Variants in NOS1AP observed in about 807,000 individuals in gnomAD.
NOS1AP encodes the protein carboxyl-terminal PDZ ligand of neuronal nitric oxide synthase protein.
In NOS1AP, 21 loss-of-function variants were observed where a neutral mutation model predicts 56.2. The observed-to-expected ratio is 0.37, with a 90% CI of 0.26 to 0.54. The LOEUF (loss-of-function observed/expected upper bound fraction) is 0.54, where lower values mean the gene tolerates loss of function less well. NOS1AP is among the 20% of genes least tolerant of loss of function. The pLI, the probability that NOS1AP is intolerant of heterozygous loss-of-function variation, is 0.84. For synonymous variants in NOS1AP, 270 were observed against 274.6 expected, an observed-to-expected ratio of 0.98 and a Z score of 0.17; for missense variants, 522 against 657.8, an observed-to-expected ratio of 0.79 and a Z score of 2.26.
In NOS1AP at chr1:162,226,353, A is replaced by T. The variant is rs191118250; in HGVS notation, c.178-60991A>T. On this transcript the variant is annotated intron_variant, in intron 2 of 9. Transcript: ENST00000361897. Reference sequence around the variant, plus strand: ...AGGCCCTGGGGATTTAGCCTTGAGCAAAATGACACATTCCTTGGGCTGGTA... The same window carrying T: ...AGGCCCTGGGGATTTAGCCTTGAGCTAAATGACACATTCCTTGGGCTGGTA... 2.3e-3 allele frequency among the ~76,000 whole-genome samples: 350 copies of T among 152,338 alleles called. 3 individuals carry two copies. The highest frequency in any genetic ancestry group is 7.9e-3 in the African/African-American group (327 of 41,580).
intron 2 of NOS1AP, among the ~76,000 whole-genome samples, chr1:162,265,023 C>A (rs2101711426): frequency 6.6e-6 from 1 of 152,168 alleles, no homozygotes; most frequent in African/African-American, 2.4e-5. Flanking sequence ...CCATATTGAC[C>A]AGGCTGGCCT....
chr1:162,106,834 T>C (rs1647528157), intron 1 of NOS1AP, among the ~76,000 whole-genome samples: 5 of 152,202 alleles, frequency 3.3e-5, no homozygotes, highest in Admixed American at 2.6e-4. Flanking sequence ...TGTGGGGGAA[T>C]GGGCAATTCC....
At chr1:162,236,678 G>A (rs1373600901) in intron 2 of NOS1AP, among the ~76,000 whole-genome samples, 1 of 152,126 alleles carries the variant, frequency 6.6e-6, no homozygotes, top group African/African-American at 2.4e-5. Context: ...GTGGGGGATG[G>A]GGGGGCAGGT....
At chr1:162,217,758 T>G (rs1420322801) in intron 2 of NOS1AP, among the ~76,000 whole-genome samples, 1 of 152,224 alleles carries the variant, frequency 6.6e-6, no homozygotes, top group Admixed American at 6.5e-5. Context: ...CTGTCCTCTT[T>G]TCTGTGCATT....
intron 1 of NOS1AP, among the ~76,000 whole-genome samples, chr1:162,151,709 T>A (rs1649713482): frequency 6.6e-6 from 1 of 152,180 alleles, no homozygotes; most frequent in African/African-American, 2.4e-5. Flanking sequence ...ATCTTTCACT[T>A]CTTTGGTTAA....
chr1:162,169,438 G>T (rs1175307669), intron 2 of NOS1AP, among the ~76,000 whole-genome samples: 1 of 152,204 alleles, frequency 6.6e-6, no homozygotes, highest in East Asian at 1.9e-4. Flanking sequence ...TATTGAAAGA[G>T]ATCATATTGA....
At chr1:162,121,714 CAG>C (rs1648244315) in intron 1 of NOS1AP, among the ~76,000 whole-genome samples, 1 of 152,118 alleles carries the variant, frequency 6.6e-6, no homozygotes, top group African/African-American at 2.4e-5. Context: ...ACAAAAATAA[CAG>C]TGAAAGTTAG....
chr1:162,303,584 G>T (rs1655728650), intron 4 of NOS1AP, among the ~76,000 whole-genome samples: 1 of 152,112 alleles, frequency 6.6e-6, no homozygotes, highest in South Asian at 2.1e-4. Context: ...TGGGACTACA[G>T]ATGTGCACCA....
intron 4 of NOS1AP, among the ~76,000 whole-genome samples, chr1:162,301,578 A>G (rs546560737): frequency 2.0e-5 from 3 of 152,310 alleles, no homozygotes; most frequent in African/African-American, 7.2e-5. Context: ...ATGGCTGCCA[A>G]CCATGTGTAT....
At chr1:162,243,384 A>G (rs941788293) in intron 2 of NOS1AP, among the ~76,000 whole-genome samples, 6 of 152,172 alleles carry the variant, frequency 3.9e-5, no homozygotes, top group African/African-American at 1.4e-4. Flanking sequence ...TTCACTTCCT[A>G]CATTCTGTGT....
chr1:162,353,751 T>TAAA (rs1177326433), intron 6 of NOS1AP, among the ~76,000 whole-genome samples: 1 of 152,218 alleles, frequency 6.6e-6, no homozygotes, highest in Non-Finnish European at 1.5e-5. Context: ...TGCTTTTTCC[T>TAAA]GTACAGGCAT....
chr1:162,118,272 G>T (rs1571027172), intron 1 of NOS1AP, among the ~76,000 whole-genome samples: 1 of 152,082 alleles, frequency 6.6e-6, no homozygotes, highest in Non-Finnish European at 1.5e-5. Context: ...CGCATCTAGT[G>T]GTCCCCAGTG....
chr1:162,081,757 T>TAG lies in NOS1AP; in HGVS notation c.105+11476_105+11477insGA, dbSNP rs1478693052. 2.5e-3 allele frequency among the ~76,000 whole-genome samples: 158 copies of TAG among 62,130 alleles called. 2 individuals carry two copies. The East Asian group carries it at 0.029, about 12-fold the overall frequency. The allele number at this position is 62,130 out of a possible 152,430, so 40.8% of individuals were successfully genotyped here. On this transcript the variant is annotated intron_variant, in intron 1 of 9. Transcript: ENST00000361897. ...ATATATCTATATCTATATCTATAGA[T>TAG]ATATATATATATATATATTTTTTTT...
chr1:162,354,244 C>T (rs1056857279), intron 6 of NOS1AP, among the ~76,000 whole-genome samples: 4 of 152,226 alleles, frequency 2.6e-5, no homozygotes, highest in South Asian at 2.1e-4. Context: ...ATAATTGGTG[C>T]GTGGTCTCTG....
At chr1:162,086,729 A>G (rs889765539) in intron 1 of NOS1AP, among the ~76,000 whole-genome samples, 48 of 152,182 alleles carry the variant, frequency 3.2e-4, no homozygotes, top group African/African-American at 1.2e-3. Flanking sequence ...CATGTTGGTT[A>G]TATTTCACAA....
chr1:162,246,558 G>A (rs1196036510), intron 2 of NOS1AP, among the ~76,000 whole-genome samples: 1 of 152,138 alleles, frequency 6.6e-6, no homozygotes, highest in Non-Finnish European at 1.5e-5. Context: ...AAGGAGATGA[G>A]ATTAATACAC....
chr1:162,160,880 C>T (rs1322539661), intron 2 of NOS1AP, among the ~76,000 whole-genome samples: 1 of 152,146 alleles, frequency 6.6e-6, no homozygotes, highest in Non-Finnish European at 1.5e-5. Flanking sequence ...AGGTCAGAGT[C>T]CAAAATGGGG....
chr1:162,280,774 T>C (rs1490465564), intron 2 of NOS1AP, among the ~76,000 whole-genome samples: 1 of 152,206 alleles, frequency 6.6e-6, no homozygotes, highest in East Asian at 1.9e-4. Flanking sequence ...CAAAAATAAG[T>C]CATGCTGGGA....
intron 3 of NOS1AP, among the ~76,000 whole-genome samples, chr1:162,287,799 C>T (rs1335783641): frequency 4.6e-5 from 7 of 152,098 alleles, no homozygotes; most frequent in Non-Finnish European, 8.8e-5. Context: ...GATTGGGCAG[C>T]GAGAGGAGGC....
Sources: gnomAD v4.1 joint callset for allele counts (sites outside exome capture counted in the v4.1 genomes callset) on GRCh38, gnomAD v4.1.1 for gene constraint, MANE v1.5 for transcripts, NCBI Gene and HGNC (gene_info 2026-07-23, HGNC 2026-07-21) for gene names.